The following PTPN11 variants were observed in gnomAD, a reference collection of about 807,000 sequenced individuals.
PTPN11 encodes the protein tyrosine-protein phosphatase non-receptor type 11.
In PTPN11, 6 loss-of-function variants were observed where a neutral mutation model predicts 78.8. That is an observed-to-expected ratio of 0.08 (90% confidence interval 0.04 to 0.15). The LOEUF (loss-of-function observed/expected upper bound fraction) is 0.15, where lower values mean the gene tolerates loss of function less well. Among genes scored for constraint, PTPN11 ranks in the 10% least tolerant of loss-of-function variants. The pLI, the probability that PTPN11 is intolerant of heterozygous loss-of-function variation, is 1.00. For missense variants in PTPN11, 386 were observed against 744.8 expected (o/e 0.52, Z 5.61); for synonymous variants, 221 against 263.5 (o/e 0.84, Z 1.56).
rs1044805881 is a variant in PTPN11, at chr12:112,482,564, G to C, written c.1224+359G>C. On this transcript the variant is annotated intron_variant, in intron 10 of 15. Coordinates refer to ENST00000351677, the MANE Select transcript of PTPN11 (RefSeq NM_002834.5). The surrounding 1 kb of genome is among the most constrained non-coding windows in gnomAD (Gnocchi z 4.4). The stretch of plus-strand genomic sequence containing the variant: ...AGCCCTGGGTGGGAGACTGGGATAG[G>C]GTGACCTGAGTGGCTACAAGGTCTG... Among the ~76,000 whole-genome samples the C allele has an allele frequency of 1.3e-5, 2 of 152,182 alleles. No homozygotes were observed. The highest frequency in any genetic ancestry group is 4.8e-5 in the African/African-American group (2 of 41,444).
chr12:112,423,253 A>G (rs930357122), intron 1 of PTPN11, among the ~76,000 whole-genome samples: 3 of 152,218 alleles, frequency 2.0e-5, no homozygotes, highest in Non-Finnish European at 4.4e-5. Flanking sequence ...CCAGCATCAA[A>G]TGAATTTGAT....
intron 9 of PTPN11, 28 bp downstream of exon 9, chr12:112,478,043 A>C (rs768697225): frequency 6.2e-7 from 1 of 1,612,760 alleles, no homozygotes; most frequent in African/African-American, 1.3e-5. Flanking sequence ...CTTTTCTGCT[A>C]AACTGTTTTT....
intron 3 of PTPN11, among the ~76,000 whole-genome samples, chr12:112,452,244 T>C (rs2038089004): frequency 6.6e-6 from 1 of 152,004 alleles, no homozygotes; most frequent in East Asian, 1.9e-4. Context: ...TTTATTTTTT[T>C]TGAGATGGAG....
chr12:112,470,366 A>C (rs1053026270), intron 6 of PTPN11, among the ~76,000 whole-genome samples: 1 of 152,186 alleles, frequency 6.6e-6, no homozygotes, highest in Non-Finnish European at 1.5e-5. Flanking sequence ...ATGTACATGC[A>C]TCTCATTTGA....
Position 112,503,322 on chromosome 12 carries a change from A to G in PTPN11, c.1712+1066A>G, listed in dbSNP as rs143437123. ...AGCAATTGTAAGTTATTATTTTTCT[A>G]TATATTCGAAAGTCACTTGCTAGTA... On this transcript the variant is annotated intron_variant, in intron 14 of 15. Coordinates refer to ENST00000351677, the MANE Select transcript of PTPN11 (RefSeq NM_002834.5). 2.8e-3 allele frequency among the ~76,000 whole-genome samples: 426 copies of G among 152,312 alleles called. 12 individuals carry two copies. The highest frequency in any genetic ancestry group is 0.024 in the Admixed American group (366 of 15,294).
Position 112,446,060 on chromosome 12 carries a change from CCCCAGACACCCCTACTGAAT to C in PTPN11, c.15-210_15-191del, listed in dbSNP as rs534728113. ...TAGCCCCCAGTCCCTCTGATCATAT[CCCCAGACACCCCTACTGAAT>C]CCCAGGTCTCTACCAAGGGAAAGGC... On this transcript the variant is annotated intron_variant, in intron 1 of 15. Transcript: ENST00000351677. 8.9e-4 allele frequency among the ~76,000 whole-genome samples: 135 copies of C among 152,242 alleles called. No individual in the cohort carries two copies. The East Asian group carries it at 0.012, about 13-fold the overall frequency.
Position 112,504,649 on chromosome 12 carries a change from G to C in PTPN11, c.1713-46G>C. The C allele has an allele frequency of 7.3e-7, 1 of 1,365,986 alleles. No individual in the cohort carries two copies. Among genetic ancestry groups the C allele is most frequent in the Non-Finnish European group, 1.0e-6 (1 of 963,212 alleles). The allele number at this position is 1,365,986 out of a possible 1,614,324, so 84.6% of individuals were successfully genotyped here. ...TAGATATCATGTAAGCTTAAACAGC[G>C]TGGTCTACATTTTTGTAAATGTCTT... On this transcript the variant is annotated intron_variant, in intron 14 of 15. Coordinates refer to ENST00000351677, the MANE Select transcript of PTPN11 (RefSeq NM_002834.5). The surrounding 1 kb of genome is among the most constrained non-coding windows in gnomAD (Gnocchi z 4.7).
chr12:112,450,327 A>G lies in PTPN11; in HGVS notation c.147A>G (p.Gly49=), dbSNP rs2135861881. 6.2e-7 allele frequency: 1 copy of G among 1,608,668 alleles called. No homozygotes were observed. The highest frequency in any genetic ancestry group is 8.5e-7 in the Non-Finnish European group (1 of 1,175,100). The part of the protein sequence containing the change: ...GDFTLSVRRN[G]AVTHIKIQNT... ...CAATGGACTATTTTAGAAGAAATGGAGCTGTCACCCACATCAAGATTCAGA... is the reference window on the plus strand; with the variant it reads ...CAATGGACTATTTTAGAAGAAATGGGGCTGTCACCCACATCAAGATTCAGA... Residue 49 remains glycine, a synonymous_variant, in exon 3 of 16, where the codon GGA becomes GGG. Coordinates refer to ENST00000351677, the MANE Select transcript of PTPN11 (RefSeq NM_002834.5).
In PTPN11 at chr12:112,455,839, G is replaced by T; in HGVS notation, c.643-111G>T. The T allele has an allele frequency of 3.1e-5, 22 of 720,062 alleles. No individual in the cohort carries two copies. The South Asian group carries it at 3.4e-4, about 11-fold the overall frequency. The allele number at this position is 720,062 out of a possible 1,614,324, so 44.6% of individuals were successfully genotyped here. ...AATTACAGGGTCCTATGAACCCTCT[G>T]TCCGTGCCTTTATGAATATCAACAT... On this transcript the variant is annotated intron_variant, in intron 5 of 15. Coordinates refer to ENST00000351677, the MANE Select transcript of PTPN11 (RefSeq NM_002834.5).
At chr12:112,429,042 C>T (rs531913352) in intron 1 of PTPN11, among the ~76,000 whole-genome samples, 9 of 152,222 alleles carry the variant, frequency 5.9e-5, no homozygotes, top group South Asian at 2.1e-4. Context: ...CCACCGCGTC[C>T]GGCCTCTTAA....
intron 13 of PTPN11, 53 bp from the exon 14 acceptor site, chr12:112,502,091 T>C: frequency 7.0e-7 from 1 of 1,427,788 alleles, no homozygotes; most frequent in East Asian, 2.3e-5. Context: ...TTTTGCTTTT[T>C]ATCCCCTTAA....
intron 1 of PTPN11, among the ~76,000 whole-genome samples, chr12:112,428,348 T>A (rs979745640): frequency 1.3e-5 from 2 of 151,696 alleles, no homozygotes; most frequent in African/African-American, 2.4e-5. Flanking sequence ...AGCCCTATTG[T>A]GTCAAATTAT....
chr12:112,454,040 C>T (rs1392571415), intron 4 of PTPN11, among the ~76,000 whole-genome samples: 4 of 151,898 alleles, frequency 2.6e-5, no homozygotes, highest in African/African-American at 9.7e-5. Context: ...AGTATATTAG[C>T]ATATTTAATA....
At chr12:112,446,961 G>A (rs2038002378) in intron 2 of PTPN11, among the ~76,000 whole-genome samples, 1 of 152,014 alleles carries the variant, frequency 6.6e-6, no homozygotes, top group African/African-American at 2.4e-5. Flanking sequence ...GAACTCCTGG[G>A]CTTAAGTGAT....
At chr12:112,489,292 GAAAC>G in intron 13 of PTPN11, 117 bp downstream of exon 13, 1 of 1,239,590 alleles carries the variant, frequency 8.1e-7, no homozygotes. Context: ...TTCGGAATGG[GAAAC>G]AAACTCCCAA....
At chr12:112,432,668 CAAA>C (rs558861452) in intron 1 of PTPN11, among the ~76,000 whole-genome samples, 9 of 60,198 alleles carry the variant, frequency 1.5e-4, no homozygotes, top group Admixed American at 5.6e-4. Flanking sequence ...AACTCCATCT[CAAA>C]AAAAAAAAAA....
Position 112,486,602 on chromosome 12 carries a change from A to G in PTPN11, c.1352A>G (p.Asp451Gly). 1 of 1,613,412 alleles carries G rather than the reference A, an allele frequency of 6.2e-7. No homozygotes were observed. ...CACCATAAGCAGGAGAGCATCATGG[A>G]TGCAGGGCCGGTCGTGGTGCACTGC... ...EVHHKQESIM[D>G]AGPVVVHCSA... The change falls in exon 11 of 16, where the codon GAT (aspartate) becomes GGT (glycine). Residue 451 changes from aspartate (D) to glycine (G), a missense_variant. Physicochemically the swap from Asp to Gly is moderately conservative, Grantham distance 94 (BLOSUM62 -1). Around this residue, in one of 3 missense-constraint regions of PTPN11, gnomAD observed 63 missense variants for 182.2 expected, o/e 0.35. Transcript: ENST00000351677.
At chr12:112,505,021 A>G (rs2038916279) in intron 15 of PTPN11, among the ~76,000 whole-genome samples, 1 of 152,260 alleles carries the variant, frequency 6.6e-6, no homozygotes, top group Non-Finnish European at 1.5e-5. Context: ...AGGCAAGGCT[A>G]GCACTTATTC....
intron 1 of PTPN11, among the ~76,000 whole-genome samples, chr12:112,421,410 T>G (rs2037520129): frequency 6.6e-6 from 1 of 152,234 alleles, no homozygotes; most frequent in Non-Finnish European, 1.5e-5. Context: ...CCTTTGTTCT[T>G]AGGCAGCCAC....
Sources: allele counts gnomAD v4.1 joint callset (sites outside exome capture counted in the v4.1 genomes callset), GRCh38; gene constraint gnomAD v4.1.1; regional missense constraint gnomAD v4.1.1; non-coding constraint Gnocchi (gnomAD v3.1); transcripts MANE v1.5; gene names NCBI Gene and HGNC (gene_info 2026-07-23, HGNC 2026-07-21).